Variants in FAT3 observed in about 807,000 individuals in gnomAD.
The protein encoded by FAT3 is FAT atypical cadherin 3.
In FAT3, 95 loss-of-function variants were observed where a neutral mutation model predicts 310.2. That is an observed-to-expected ratio of 0.31 (90% CI 0.26 to 0.36). FAT3 has a LOEUF of 0.36. Ranked by LOEUF, FAT3 falls within the 10% of genes least tolerant of loss-of-function variation. The pLI, the probability that FAT3 is intolerant of heterozygous loss-of-function variation, is 1.00. For missense variants in FAT3, 5,408 were observed against 5,715.6 expected, an observed-to-expected ratio of 0.95 and a Z score of 1.74; for synonymous variants, 2,314 against 2,192.9, an observed-to-expected ratio of 1.06 and a Z score of -1.54.
At chr11:92,644,184 A>G (rs1333564997) in intron 3 of FAT3, among the ~76,000 whole-genome samples, 1 of 152,222 alleles carries the variant, frequency 6.6e-6, no homozygotes, top group Non-Finnish European at 1.5e-5. Flanking sequence ...TGAAGCCTGC[A>G]TTGACATATA....
At chr11:92,686,728 A>G (rs1350915919) in intron 3 of FAT3, among the ~76,000 whole-genome samples, 3 of 152,192 alleles carry the variant, frequency 2.0e-5, no homozygotes, top group African/African-American at 4.8e-5. Context: ...CATCACTCCT[A>G]CCTAAGGGGT....
intron 3 of FAT3, among the ~76,000 whole-genome samples, chr11:92,691,214 A>T (rs562897257): frequency 1.3e-5 from 2 of 152,276 alleles, no homozygotes; most frequent in Admixed American, 1.3e-4. Flanking sequence ...GAAGAAACTG[A>T]GGCCTAGAGA....
intron 2 of FAT3, among the ~76,000 whole-genome samples, chr11:92,479,147 G>A (rs1243256816): frequency 6.7e-6 from 1 of 149,932 alleles, no homozygotes; most frequent in Non-Finnish European, 1.5e-5. Context: ...GAACACAGGT[G>A]TGTATCACCA....
At chr11:92,817,830 T>C (rs1328712472) in intron 13 of FAT3, among the ~76,000 whole-genome samples, 2 of 152,222 alleles carry the variant, frequency 1.3e-5, no homozygotes, top group Non-Finnish European at 2.9e-5. Context: ...ATCTCTCCAG[T>C]GGTTTTCCTG....
At chr11:92,450,040 C>T (rs575122615) in intron 2 of FAT3, among the ~76,000 whole-genome samples, 1 of 152,138 alleles carries the variant, frequency 6.6e-6, no homozygotes, top group Non-Finnish European at 1.5e-5. Context: ...TTTCCCCATG[C>T]CTTGTCTTGT....
At chr11:92,608,296 G>C (rs1284696831) in intron 3 of FAT3, among the ~76,000 whole-genome samples, 1 of 152,130 alleles carries the variant, frequency 6.6e-6, no homozygotes, top group African/African-American at 2.4e-5. Flanking sequence ...CATGAGTTCT[G>C]ATGGGTTTTA....
chr11:92,688,456 T>C (rs1420424802), intron 3 of FAT3, among the ~76,000 whole-genome samples: 1 of 152,166 alleles, frequency 6.6e-6, no homozygotes, highest in Non-Finnish European at 1.5e-5. Flanking sequence ...ATCCAGAAGA[T>C]AACAACTAGA....
intron 4 of FAT3, among the ~76,000 whole-genome samples, chr11:92,754,907 G>T (rs1182648932): frequency 6.6e-6 from 1 of 151,930 alleles, no homozygotes; most frequent in African/African-American, 2.4e-5. Flanking sequence ...CCTGTCATTT[G>T]TGACAACATG....
chr11:92,587,148 T>C lies in FAT3; in HGVS notation c.3607+62200T>C, dbSNP rs530450161. Among the ~76,000 whole-genome samples the C allele has an allele frequency of 2.0e-5, 3 of 152,136 alleles. No individual in the cohort carries two copies. The East Asian group carries it at 5.8e-4, about 29-fold the overall frequency. ...TAAGGATTTTTAATTTTATATTAAA[T>C]TGTGTGTACTTTTACAGTCCTCCTA... On this transcript the variant is annotated intron_variant, in intron 3 of 27. Transcript: ENST00000525166.
chr11:92,593,173 G>GT (rs1256607050), intron 3 of FAT3, among the ~76,000 whole-genome samples: 34 of 140,196 alleles, frequency 2.4e-4, no homozygotes. Flanking sequence ...TCCATTGTGT[G>GT]TGTGCATACC....
At chr11:92,305,246 A>G (rs1947090693) in intron 1 of FAT3, among the ~76,000 whole-genome samples, 1 of 152,096 alleles carries the variant, frequency 6.6e-6, no homozygotes, top group Non-Finnish European at 1.5e-5. Context: ...TAAACCAGCT[A>G]TGTTGGTTTC....
chr11:92,674,477 T>G (rs1253810257), intron 3 of FAT3, among the ~76,000 whole-genome samples: 1 of 151,998 alleles, frequency 6.6e-6, no homozygotes, highest in Non-Finnish European at 1.5e-5. Flanking sequence ...CCCTGCTTAT[T>G]GGTTCTGAAT....
chr11:92,380,980 T>TCATCACCCTAC (rs1949480927), intron 2 of FAT3, among the ~76,000 whole-genome samples: 1 of 152,212 alleles, frequency 6.6e-6, no homozygotes, highest in African/African-American at 2.4e-5. Flanking sequence ...CAAAACATTT[T>TCATCACCCTAC]CATCACCCTA....
At chr11:92,617,862 C>CTTCTTTGTCTG (rs1940887213) in intron 3 of FAT3, among the ~76,000 whole-genome samples, 1 of 152,132 alleles carries the variant, frequency 6.6e-6, no homozygotes, top group Non-Finnish European at 1.5e-5. Flanking sequence ...CTCAGAGGGG[C>CTTCTTTGTCTG]ACCCGGCTCT....
At chr11:92,681,361 G>A (rs1943475947) in intron 3 of FAT3, among the ~76,000 whole-genome samples, 1 of 152,172 alleles carries the variant, frequency 6.6e-6, no homozygotes. Context: ...GTTTGAAAAA[G>A]AAAGAATTAG....
Position 92,798,186 on chromosome 11 carries a change from A to G in FAT3, c.5173A>G (p.Thr1725Ala), listed in dbSNP as rs573766232. 6.2e-7 allele frequency: 1 copy of G among 1,613,868 alleles called. No individual in the cohort carries two copies. Among genetic ancestry groups the G allele is most frequent in the Non-Finnish European group, 8.5e-7 (1 of 1,179,838 alleles). ...TINPYSGVIT[T>A]QKALDYERTS... Reference sequence around the variant, plus strand: ...AAATCCATATTCTGGAGTCATCACCACTCAGAAGGCCCTGGATTATGAGCG... The same window carrying G: ...AAATCCATATTCTGGAGTCATCACCGCTCAGAAGGCCCTGGATTATGAGCG... The change falls in exon 10 of 28, where the codon ACT (threonine) becomes GCT (alanine). Residue 1725 changes from threonine to alanine, a missense_variant. Physicochemically the swap from Thr to Ala is moderately conservative, Grantham distance 58 (BLOSUM62 0). Coordinates refer to ENST00000525166, the MANE Select transcript of FAT3 (RefSeq NM_001367949.2).
intron 4 of FAT3, among the ~76,000 whole-genome samples, chr11:92,733,921 T>C (rs1945264315): frequency 6.6e-6 from 1 of 152,230 alleles, no homozygotes; most frequent in Non-Finnish European, 1.5e-5. Flanking sequence ...GGAGCTTTAG[T>C]CTGATATTCA....
intron 3 of FAT3, among the ~76,000 whole-genome samples, chr11:92,527,440 A>T (rs1201759661): frequency 6.6e-6 from 1 of 152,188 alleles, no homozygotes; most frequent in Non-Finnish European, 1.5e-5. Context: ...AGTTACAGTC[A>T]TTTAATCTCT....
intron 3 of FAT3, among the ~76,000 whole-genome samples, chr11:92,550,675 C>A (rs531523154): frequency 1.4e-4 from 21 of 152,148 alleles, no homozygotes; most frequent in African/African-American, 5.1e-4. Context: ...GCAGCAGTTA[C>A]CAGCAATTGG....
Sources: allele counts gnomAD v4.1 joint callset (sites outside exome capture counted in the v4.1 genomes callset), GRCh38; gene constraint gnomAD v4.1.1; transcripts MANE v1.5; gene names NCBI Gene and HGNC (gene_info 2026-07-23, HGNC 2026-07-21).